The following RNF38 variants were observed in gnomAD, a reference collection of about 807,000 sequenced individuals.
RNF38 encodes the protein E3 ubiquitin-protein ligase RNF38.
Under a neutral mutation model 67.2 loss-of-function variants are expected in RNF38, and 15 were observed. That is an observed-to-expected ratio of 0.22 (90% CI 0.15 to 0.34). The LOEUF (loss-of-function observed/expected upper bound fraction) is 0.34. Ranked by LOEUF, RNF38 falls within the 10% of genes least tolerant of loss-of-function variation. RNF38 has a pLI of 1.00. For synonymous variants in RNF38, 220 were observed against 218.8 expected (o/e 1.01, Z -0.05); for missense variants, 524 against 639.9 (o/e 0.82, Z 1.95).
intron 4 of RNF38, among the ~76,000 whole-genome samples, chr9:36,364,589 T>C (rs1834806581): frequency 6.6e-6 from 1 of 152,246 alleles, no homozygotes; most frequent in African/African-American, 2.4e-5. Context: ...GCTTCTAGAT[T>C]TTATATTCTA....
chr9:36,396,582 G>A (rs560878418), intron 1 of RNF38, among the ~76,000 whole-genome samples: 9 of 152,168 alleles, frequency 5.9e-5, no homozygotes, highest in Admixed American at 6.5e-5. Context: ...TCAAAGTCCC[G>A]GATGGCATTC....
intron 1 of RNF38, among the ~76,000 whole-genome samples, chr9:36,451,409 T>G (rs1222605885): frequency 6.8e-6 from 1 of 147,430 alleles, no homozygotes; most frequent in African/African-American, 2.5e-5. Flanking sequence ...GAGGTCGCAG[T>G]GAGCCGAGAT....
Position 36,423,719 on chromosome 9 carries a change from G to A in RNF38, n.312+894C>T, listed in dbSNP as rs1564057083. ...AATCCCAGCACTTTGGGAGGCCGAG[G>A]CGGGCGGATCACGAGGTCAGGAAAT... is the stretch of plus-strand genomic sequence containing the variant. On this transcript the variant is annotated intron_variant and non_coding_transcript_variant, in intron 2 of 3. Transcript: ENST00000488058. Among the ~76,000 whole-genome samples the A allele has an allele frequency of 7.7e-5, 2 of 25,970 alleles. 1 individual carries two copies. The highest frequency in any genetic ancestry group is 2.3e-4 in the Non-Finnish European group (2 of 8,664). The allele number at this position is 25,970 out of a possible 152,430, so 17.0% of individuals were successfully genotyped here. A position where few individuals can be genotyped will look rare whatever the true frequency, so the allele number is the denominator to read the frequency against.
intron 1 of RNF38, among the ~76,000 whole-genome samples, chr9:36,391,525 T>C (rs1195606209): frequency 6.6e-6 from 1 of 152,168 alleles, no homozygotes; most frequent in Non-Finnish European, 1.5e-5. Flanking sequence ...TTTTAGAGTT[T>C]CATTGCCTCA....
intron 3 of RNF38, among the ~76,000 whole-genome samples, chr9:36,372,769 G>A (rs1835483728): frequency 6.6e-6 from 1 of 152,180 alleles, no homozygotes; most frequent in African/African-American, 2.4e-5. Context: ...ATCATCATCT[G>A]TAAACAGACA....
chr9:36,451,559 G>A (rs562631079), intron 1 of RNF38, among the ~76,000 whole-genome samples: 9 of 120,748 alleles, frequency 7.5e-5, no homozygotes, highest in African/African-American at 2.8e-4. Context: ...GGAGTGCAAT[G>A]GTGCAATCTC....
At chr9:36,378,737 CTTACT>C (rs1209363974) in intron 2 of RNF38, among the ~76,000 whole-genome samples, 10 of 152,194 alleles carry the variant, frequency 6.6e-5, no homozygotes, top group East Asian at 3.9e-4. Context: ...TAAAAATGTT[CTTACT>C]TTACAAGACA....
intron 1 of RNF38, among the ~76,000 whole-genome samples, chr9:36,486,189 TG>T (rs1840407011): frequency 6.6e-6 from 1 of 152,164 alleles, no homozygotes; most frequent in Non-Finnish European, 1.5e-5. Flanking sequence ...CGTCCCTGCC[TG>T]TAACACGTTG....
At chr9:36,385,000 C>T (rs763173260) in intron 2 of RNF38, among the ~76,000 whole-genome samples, 1 of 152,204 alleles carries the variant, frequency 6.6e-6, no homozygotes, top group Non-Finnish European at 1.5e-5. Flanking sequence ...GAGCAATCAT[C>T]GAGCTGATCC....
intron 5 of RNF38, 65 bp from the exon 6 acceptor site, chr9:36,356,538 G>A: frequency 7.3e-7 from 1 of 1,369,916 alleles, no homozygotes; most frequent in Non-Finnish European, 9.9e-7. Context: ...TAAAAGGATA[G>A]TGAGATTAAA....
chr9:36,372,033 C>T (rs1458882923), intron 3 of RNF38, among the ~76,000 whole-genome samples: 2 of 151,036 alleles, frequency 1.3e-5, no homozygotes, highest in Non-Finnish European at 1.5e-5. Flanking sequence ...TGGGTTCAAG[C>T]GATTCTCCTG....
intron 3 of RNF38, 81 bp from the exon 4 acceptor site, chr9:36,370,013 C>T: frequency 8.8e-7 from 1 of 1,131,888 alleles, no homozygotes; most frequent in Non-Finnish European, 1.3e-6. Flanking sequence ...TGATATCTAT[C>T]AATAGTATAT....
intron 1 of RNF38, among the ~76,000 whole-genome samples, chr9:36,429,439 C>T (rs1838869950): frequency 6.6e-6 from 1 of 152,108 alleles, no homozygotes; most frequent in South Asian, 2.1e-4. Flanking sequence ...TATGTAAATC[C>T]TCTCATATAC....
chr9:36,375,176 G>A (rs182109621), intron 3 of RNF38, among the ~76,000 whole-genome samples: 53 of 152,186 alleles, frequency 3.5e-4, no homozygotes, highest in African/African-American at 1.3e-3. Context: ...TTCATACCAC[G>A]GGCTCCACAG....
chr9:36,475,891 C>T (rs899061992), intron 1 of RNF38, among the ~76,000 whole-genome samples: 1 of 150,714 alleles, frequency 6.6e-6, no homozygotes, highest in Non-Finnish European at 1.5e-5. Flanking sequence ...TGGCTGTAGT[C>T]CCAGCTACTC....
At chr9:36,467,178 CA>C (rs1364776139) in intron 1 of RNF38, among the ~76,000 whole-genome samples, 8 of 11,818 alleles carry the variant, frequency 6.8e-4, no homozygotes, top group African/African-American at 1.0e-3. Flanking sequence ...GACTCCGTCT[CA>C]AAAAAAAAAA....
rs1838252124 is a variant in RNF38 at position 36,409,078 on chromosome 9, T to C, written n.312+15535A>G. Among the ~76,000 whole-genome samples the C allele has an allele frequency of 3.9e-5, 6 of 152,066 alleles. No homozygotes were observed. The South Asian group carries it at 1.0e-3, about 26-fold the overall frequency. On this transcript the variant is annotated intron_variant and non_coding_transcript_variant, in intron 2 of 3. Transcript: ENST00000488058. ...GGTGAATGCTGGTAATCCCAGCTAC[T>C]TGGGAGGCTGAAGCAGGGGAATCAC...
intron 1 of RNF38, among the ~76,000 whole-genome samples, chr9:36,485,489 A>G (rs1840385238): frequency 6.6e-6 from 1 of 152,060 alleles, no homozygotes; most frequent in African/African-American, 2.4e-5. Flanking sequence ...ACAGCACTAC[A>G]TTTTTGCCAA....
intron 1 of RNF38, among the ~76,000 whole-genome samples, chr9:36,430,600 T>C (rs1165626283): frequency 6.6e-6 from 1 of 152,072 alleles, no homozygotes; most frequent in Non-Finnish European, 1.5e-5. Flanking sequence ...AAAGAATATG[T>C]GTGGAGATAT....
Sources: gnomAD v4.1 joint callset for allele counts (sites outside exome capture counted in the v4.1 genomes callset) on GRCh38, gnomAD v4.1.1 for gene constraint, MANE v1.5 for transcripts, NCBI Gene and HGNC (gene_info 2026-07-23, HGNC 2026-07-21) for gene names.